DPYD: variants seen among roughly 807,000 people sequenced by gnomAD.
The protein encoded by DPYD is dihydropyrimidine dehydrogenase [NADP(+)].
Under a neutral mutation model 116.2 loss-of-function variants are expected in DPYD, and 109 were observed. The observed-to-expected ratio is 0.94, with a 90% CI of 0.80 to 1.10. The LOEUF is 1.10. Ranked by LOEUF, DPYD falls within the 50% of genes least tolerant of loss-of-function variation. The pLI, the probability that DPYD is intolerant of heterozygous loss-of-function variation, is 0.00. For synonymous variants in DPYD, 440 were observed against 432.0 expected, an observed-to-expected ratio of 1.02 and a Z score of -0.23; for missense variants, 1,302 against 1,254.5, an observed-to-expected ratio of 1.04 and a Z score of -0.57.
At chr1:97,095,126 T>G (rs1650153097) in intron 21 of DPYD, among the ~76,000 whole-genome samples, 1 of 152,144 alleles carries the variant, frequency 6.6e-6, no homozygotes, top group Non-Finnish European at 1.5e-5. Flanking sequence ...TAATTAGAAG[T>G]TTTCATTTAT....
At chr1:97,765,388 A>G (rs1665792496) in intron 3 of DPYD, among the ~76,000 whole-genome samples, 1 of 152,218 alleles carries the variant, frequency 6.6e-6, no homozygotes, top group Non-Finnish European at 1.5e-5. Context: ...CCCATCAGCC[A>G]TTACTCTGAG....
Position 97,257,504 on chromosome 1 carries a change from C to T in DPYD, c.2300-22510G>A, listed in dbSNP as rs182913745. Among the ~76,000 whole-genome samples the T allele has an allele frequency of 8.1e-4, 116 of 142,714 alleles. 1 individual carries two copies. Among genetic ancestry groups the T allele is most frequent in the African/African-American group, 3.0e-3 (111 of 37,100 alleles). The allele number at this position is 142,714 out of a possible 152,430, so 93.6% of individuals were successfully genotyped here. A position where few individuals can be genotyped will look rare whatever the true frequency, so the allele number is the denominator to read the frequency against. On this transcript the variant is annotated intron_variant, in intron 18 of 22. Transcript: ENST00000370192. Reference sequence around the variant, plus strand: ...CGTGAGTTATGTAAATATACATATACCATATCTCTATATAGTGTGCATATG... The same window carrying T: ...CGTGAGTTATGTAAATATACATATATCATATCTCTATATAGTGTGCATATG...
chr1:97,691,878 G>A, intron 6 of DPYD, 80 bp from the exon 7 acceptor site: 1 of 1,084,780 alleles, frequency 9.2e-7, no homozygotes, highest in South Asian at 1.3e-5. Flanking sequence ...AAGGTAACAT[G>A]TCTTTATGGA....
intron 13 of DPYD, among the ~76,000 whole-genome samples, chr1:97,461,400 C>T (rs1055896394): frequency 6.6e-6 from 1 of 152,118 alleles, no homozygotes; most frequent in Non-Finnish European, 1.5e-5. Flanking sequence ...AGAGGGAAAG[C>T]ATAAAACTTC....
At chr1:97,116,101 CAAA>C (rs1651941182) in intron 20 of DPYD, among the ~76,000 whole-genome samples, 2 of 152,016 alleles carry the variant, frequency 1.3e-5, no homozygotes, top group Non-Finnish European at 2.9e-5. Flanking sequence ...TTGCAGCTCT[CAAA>C]GAAGAAATAC....
At chr1:97,403,478 T>C (rs572871659) in intron 14 of DPYD, among the ~76,000 whole-genome samples, 10 of 152,224 alleles carry the variant, frequency 6.6e-5, no homozygotes, top group African/African-American at 2.2e-4. Context: ...TTGTTAATTA[T>C]TGATTTGATT....
intron 8 of DPYD, among the ~76,000 whole-genome samples, chr1:97,610,633 T>C (rs566065132): frequency 1.3e-5 from 2 of 152,152 alleles, no homozygotes; most frequent in South Asian, 2.1e-4. Flanking sequence ...GCTATCTTCG[T>C]GGACATATGA....
At chr1:97,859,821 G>T (rs956540565) in intron 2 of DPYD, among the ~76,000 whole-genome samples, 2 of 151,792 alleles carry the variant, frequency 1.3e-5, no homozygotes, top group Non-Finnish European at 2.9e-5. Context: ...TGTAAACAAA[G>T]ATATAAATGA....
At chr1:97,618,114 T>C (rs1196798722) in intron 8 of DPYD, among the ~76,000 whole-genome samples, 2 of 152,178 alleles carry the variant, frequency 1.3e-5, no homozygotes, top group African/African-American at 4.8e-5. Context: ...TAAAAATCAT[T>C]GCCCTGCCTT....
chr1:97,654,671 TA>T (rs1255352713), intron 8 of DPYD, among the ~76,000 whole-genome samples: 2 of 151,738 alleles, frequency 1.3e-5, no homozygotes, highest in Non-Finnish European at 2.9e-5. Context: ...AAATGTCCTT[TA>T]TAAAAATAAA....
intron 13 of DPYD, among the ~76,000 whole-genome samples, chr1:97,471,436 G>T (rs952374141): frequency 1.3e-5 from 2 of 151,960 alleles, no homozygotes; most frequent in Non-Finnish European, 2.9e-5. Context: ...TGTAACTTGG[G>T]GTCTAAAACT....
intron 14 of DPYD, among the ~76,000 whole-genome samples, chr1:97,383,332 C>A (rs945987047): frequency 6.6e-6 from 1 of 151,698 alleles, no homozygotes; most frequent in African/African-American, 2.4e-5. Flanking sequence ...CAAAAATTAG[C>A]CAGGTGTGGT....
At chr1:97,332,937 T>C (rs1264400948) in intron 16 of DPYD, among the ~76,000 whole-genome samples, 1 of 152,048 alleles carries the variant, frequency 6.6e-6, no homozygotes, top group Non-Finnish European at 1.5e-5. Context: ...TAAGAATGAG[T>C]TGAACTTTCA....
At chr1:97,740,265 G>T in intron 4 of DPYD, 127 bp downstream of exon 4, 1 of 639,860 alleles carries the variant, frequency 1.6e-6, no homozygotes, top group Non-Finnish European at 2.7e-6. Flanking sequence ...ATTTTTAAAT[G>T]CCTATAGAAG....
At chr1:97,287,527 C>G (rs1665786051) in intron 18 of DPYD, among the ~76,000 whole-genome samples, 1 of 152,196 alleles carries the variant, frequency 6.6e-6, no homozygotes, top group Non-Finnish European at 1.5e-5. Context: ...GCCCTGCCCC[C>G]AGAGGTGGAG....
chr1:97,498,982 T>A (rs1052589108), intron 13 of DPYD, among the ~76,000 whole-genome samples: 3 of 151,690 alleles, frequency 2.0e-5, no homozygotes, highest in Admixed American at 2.0e-4. Context: ...CTGATAGATC[T>A]ACTTGGTATT....
At chr1:97,881,885 A>G (rs1473102740) in intron 2 of DPYD, among the ~76,000 whole-genome samples, 1 of 151,820 alleles carries the variant, frequency 6.6e-6, no homozygotes, top group African/African-American at 2.4e-5. Context: ...GAGGGATAGC[A>G]TTAGGAGATA....
intron 14 of DPYD, among the ~76,000 whole-genome samples, chr1:97,403,101 A>G (rs1207054219): frequency 6.6e-6 from 1 of 151,978 alleles, no homozygotes; most frequent in African/African-American, 2.4e-5. Flanking sequence ...CAGTGCAATT[A>G]TTAGGTATTA....
At chr1:97,181,294 G>A (rs1657627412) in intron 20 of DPYD, among the ~76,000 whole-genome samples, 1 of 152,092 alleles carries the variant, frequency 6.6e-6, no homozygotes, top group Non-Finnish European at 1.5e-5. Context: ...CTGGTTACAA[G>A]CAATGCAAAA....
Sources: gnomAD v4.1 joint callset for allele counts (sites outside exome capture counted in the v4.1 genomes callset) on GRCh38, gnomAD v4.1.1 for gene constraint, MANE v1.5 for transcripts, NCBI Gene and HGNC (gene_info 2026-07-23, HGNC 2026-07-21) for gene names.